The following CDKN2A variants were observed in gnomAD, a reference collection of about 807,000 sequenced individuals.
CDKN2A encodes the protein cyclin-dependent kinase inhibitor 2A.
CDKN2A carries 3 observed loss-of-function variants against 11.1 expected under a neutral mutation model. The observed-to-expected ratio is 0.27, with a 90% CI of 0.12 to 0.70. The LOEUF is 0.70. Among genes scored for constraint, CDKN2A ranks in the 30% least tolerant of loss-of-function variants. The probability of loss-of-function intolerance (pLI) is 0.77; values close to 1 mark genes in which losing one functional copy is unlikely to be tolerated. For synonymous variants in CDKN2A, 122 were observed against 108.1 expected (o/e 1.13, Z -0.80); for missense variants, 265 against 233.6 (o/e 1.13, Z -0.88).
In CDKN2A at chr9:21,974,043, A is replaced by G. The variant is rs919422811; in HGVS notation, c.150+635T>C. Reference sequence around the variant, plus strand: ...GTAGCTGGGATTACAGGCGCCTGCCACCACCCCCGGCTACTTTTTGTATTT... The same window carrying G: ...GTAGCTGGGATTACAGGCGCCTGCCGCCACCCCCGGCTACTTTTTGTATTT... On this transcript the variant is annotated intron_variant, in intron 1 of 2. Transcript: ENST00000304494. The surrounding 1 kb of genome is among the most constrained non-coding windows in gnomAD (Gnocchi z 5.2). Among the ~76,000 whole-genome samples, 1 of 152,008 alleles carries G rather than the reference A, an allele frequency of 6.6e-6. No individual in the cohort carries two copies. The highest frequency in any genetic ancestry group is 1.5e-5 in the Non-Finnish European group (1 of 67,994).
In CDKN2A at chr9:21,974,571, C is replaced by A. The variant is rs1289280947; in HGVS notation, c.150+107G>T. 6.2e-7 allele frequency: 1 copy of A among 1,613,756 alleles called. No individual in the cohort carries two copies. The highest frequency in any genetic ancestry group is 8.5e-7 in the Non-Finnish European group (1 of 1,180,032). Reference sequence around the variant, plus strand: ...TTCTGAAAACTCCCCAGGAAGCCTCCCCTTTTTCCGGAGAATCGAAGCGCT... The same window carrying A: ...TTCTGAAAACTCCCCAGGAAGCCTCACCTTTTTCCGGAGAATCGAAGCGCT... On this transcript the variant is annotated intron_variant, in intron 1 of 2. Coordinates refer to ENST00000304494, the MANE Select transcript of CDKN2A (RefSeq NM_000077.5). This position sits in a 1 kb window ranked among gnomAD's most constrained non-coding sequence, Gnocchi z 5.2.
Position 21,988,009 on chromosome 9 carries a change from C to G in CDKN2A, c.-4+5873G>C, listed in dbSNP as rs1377937854. Among the ~76,000 whole-genome samples the G allele has an allele frequency of 6.6e-6, 1 of 152,134 alleles. No individual in the cohort carries two copies. The highest frequency in any genetic ancestry group is 1.9e-4 in the East Asian group (1 of 5,198). ...GCCCAGGTAATAATGCTGTTGTTAA[C>G]CTTTGCCATACTTTTAAAATTTCTA... On this transcript the variant is annotated intron_variant, in intron 2 of 3. Coordinates refer to the CDKN2A transcript ENST00000494262. This position sits in a 1 kb window ranked among gnomAD's most constrained non-coding sequence, Gnocchi z 4.1.
At chr9:21,994,597 C>G (rs1279396176) in intron 1 of CDKN2A, 31 of 741,194 alleles carry the variant, frequency 4.2e-5, no homozygotes, top group Non-Finnish European at 5.5e-5. Flanking sequence ...GAAGGGCTGC[C>G]GGAGGCGCCC....
chr9:21,988,113 A>G lies in CDKN2A; in HGVS notation c.-4+5769T>C, dbSNP rs550620676. On this transcript the variant is annotated intron_variant, in intron 2 of 3. Coordinates refer to the CDKN2A transcript ENST00000494262. This position sits in a 1 kb window ranked among gnomAD's most constrained non-coding sequence, Gnocchi z 4.1. ...TGATTGTACGATTTTATTAGTTTCA[A>G]TTTGCTTAAGAGATTACATGTCTTT... 3.7e-4 allele frequency among the ~76,000 whole-genome samples: 56 copies of G among 152,306 alleles called. No homozygotes were observed. Among genetic ancestry groups the G allele is most frequent in the Admixed American group, 6.5e-4 (10 of 15,302 alleles).
At chr9:21,982,035 TA>T (rs1820208792) in intron 2 of CDKN2A, among the ~76,000 whole-genome samples, 1 of 152,214 alleles carries the variant, frequency 6.6e-6, no homozygotes, top group African/African-American at 2.4e-5. Flanking sequence ...AAATTCAATA[TA>T]GCACAATTAT....
At chr9:21,986,653 T>C (rs1820304458) in intron 2 of CDKN2A, among the ~76,000 whole-genome samples, 1 of 152,036 alleles carries the variant, frequency 6.6e-6, no homozygotes, top group Non-Finnish European at 1.5e-5. Context: ...GATAATTAAA[T>C]TAGATAATGG....
Position 21,968,543 on chromosome 9 carries a change from G to C in CDKN2A, c.458-301C>G, listed in dbSNP as rs1018910742. 6.9e-7 allele frequency: 1 copy of C among 1,452,856 alleles called. No individual in the cohort carries two copies. Among genetic ancestry groups the C allele is most frequent in the Non-Finnish European group, 9.0e-7 (1 of 1,110,332 alleles). 90.0% of individuals were successfully genotyped at this position (1,452,856 alleles called of 1,614,324 possible). A position where few individuals can be genotyped will look rare whatever the true frequency, so the allele number is the denominator to read the frequency against. On this transcript the variant is annotated intron_variant, in intron 2 of 2. Transcript: ENST00000304494. The surrounding 1 kb of genome is among the most constrained non-coding windows in gnomAD (Gnocchi z 4.7). Reference sequence around the variant, plus strand: ...CCGCAGGGTTGCAAGAAGAAAACGAGTGTTATATAATGAGTCTCAGTGGTT... The same window carrying C: ...CCGCAGGGTTGCAAGAAGAAAACGACTGTTATATAATGAGTCTCAGTGGTT...
intron 2 of CDKN2A, 148 bp downstream of exon 2, chr9:21,970,754 G>T: frequency 1.0e-6 from 1 of 979,132 alleles, no homozygotes. Context: ...CAGGGCGATA[G>T]GGAGACTCAG....
At chr9:21,979,975 T>C (rs1048938206) in intron 2 of CDKN2A, among the ~76,000 whole-genome samples, 1 of 152,110 alleles carries the variant, frequency 6.6e-6, no homozygotes, top group Non-Finnish European at 1.5e-5. Flanking sequence ...CTTGAGAAGG[T>C]AGTGTTCCAG....
Position 21,968,715 on chromosome 9 carries a change from C to T in CDKN2A, c.458-473G>A, listed in dbSNP as rs1385329602. 1 of 1,536,172 alleles carries T rather than the reference C, an allele frequency of 6.5e-7. No individual in the cohort carries two copies. Among genetic ancestry groups the T allele is most frequent in the Non-Finnish European group, 8.7e-7 (1 of 1,146,910 alleles). On this transcript the variant is annotated intron_variant, in intron 2 of 2. Coordinates refer to ENST00000304494, the MANE Select transcript of CDKN2A (RefSeq NM_000077.5). The surrounding 1 kb of genome is among the most constrained non-coding windows in gnomAD (Gnocchi z 4.7). ...GCTCTGGCGCTCCTCGGCGGAATCC[C>T]GTAGCTTCCCTACGCATGCCTGCTT...
intron 2 of CDKN2A, among the ~76,000 whole-genome samples, chr9:21,990,632 G>GAC (rs1394236577): frequency 6.6e-6 from 1 of 150,902 alleles, no homozygotes; most frequent in Non-Finnish European, 1.5e-5. Context: ...GAGAGAGAGA[G>GAC]AGAGAGAGAG....
At chr9:21,969,056 C>G (rs370106547) in intron 2 of CDKN2A, among the ~76,000 whole-genome samples, 2 of 152,118 alleles carry the variant, frequency 1.3e-5, no homozygotes, top group African/African-American at 4.8e-5. Flanking sequence ...TCATATTTAC[C>G]CATTGCATTG....
upstream of CDKN2A, among the ~76,000 whole-genome samples, chr9:21,977,028 A>C (rs551649982): frequency 2.0e-5 from 3 of 152,350 alleles, no homozygotes; most frequent in Middle Eastern, 6.8e-3. Context: ...GTTGACTTAA[A>C]CCTTGTAGAC....
At chr9:21,975,203 C>G (rs1256429267), upstream of CDKN2A, 1 of 1,086,492 alleles carries the variant, frequency 9.2e-7, no homozygotes, top group Non-Finnish European at 1.1e-6. Flanking sequence ...GCCCTCCGGC[C>G]TCCCTGCTCC....
chr9:21,991,533 G>A lies in CDKN2A; in HGVS notation c.-4+2349C>T, dbSNP rs957931142. The A allele has an allele frequency of 1.1e-5, 4 of 374,334 alleles. No individual in the cohort carries two copies. Among genetic ancestry groups the A allele is most frequent in the African/African-American group, 4.4e-5 (2 of 45,354 alleles). The allele number at this position is 374,334 out of a possible 1,614,324, so 23.2% of individuals were successfully genotyped here. On this transcript the variant is annotated intron_variant, in intron 2 of 3. Transcript: ENST00000494262. This position sits in a 1 kb window ranked among gnomAD's most constrained non-coding sequence, Gnocchi z 5.2. ...ACTTTTGAAAAAGTGTAAAAGCACT[G>A]GGCCCACTGTTGAACCTTGCTATAA...
intron 1 of CDKN2A, chr9:21,971,447 C>T: frequency 8.0e-7 from 1 of 1,255,182 alleles, no homozygotes; most frequent in Non-Finnish European, 1.1e-6. Context: ...AGGCAGAGAG[C>T]ACTGTGAGGC....
upstream of CDKN2A, among the ~76,000 whole-genome samples, chr9:21,976,438 G>A (rs1820033262): frequency 6.7e-6 from 1 of 150,266 alleles, no homozygotes; most frequent in Non-Finnish European, 1.5e-5. Context: ...AGGAAAGTCC[G>A]GATGCGGTGG....
chr9:21,990,721 G>C (rs567661523), intron 2 of CDKN2A, among the ~76,000 whole-genome samples: 1 of 149,908 alleles, frequency 6.7e-6, no homozygotes, highest in African/African-American at 2.4e-5. Context: ...AACAGTCTAT[G>C]AAATATTCTT....
upstream of CDKN2A, among the ~76,000 whole-genome samples, chr9:21,976,176 C>T (rs1453145326): frequency 2.6e-5 from 4 of 151,944 alleles, no homozygotes; most frequent in African/African-American, 7.3e-5. Flanking sequence ...GTCAGGAGTT[C>T]GAGGCCAGCT....
Sources: gnomAD v4.1 joint callset for allele counts (sites outside exome capture counted in the v4.1 genomes callset) on GRCh38, gnomAD v4.1.1 for gene constraint, Gnocchi (gnomAD v3.1) non-coding constraint, MANE v1.5 for transcripts, NCBI Gene and HGNC (gene_info 2026-07-23, HGNC 2026-07-21) for gene names.